ZDHHC17: variants seen among roughly 807,000 people sequenced by gnomAD.
ZDHHC17 encodes palmitoyltransferase ZDHHC17.
In ZDHHC17, 40 loss-of-function variants were observed where a neutral mutation model predicts 90.3. The observed-to-expected ratio is 0.44, with a 90% confidence interval of 0.34 to 0.58. The LOEUF (loss-of-function observed/expected upper bound fraction) is 0.58, where lower values mean the gene tolerates loss of function less well. Ranked by LOEUF, ZDHHC17 falls within the 20% of genes least tolerant of loss-of-function variation. The pLI, the probability that ZDHHC17 is intolerant of heterozygous loss-of-function variation, is 0.01. For synonymous variants in ZDHHC17, 235 were observed against 252.4 expected, an observed-to-expected ratio of 0.93 and a Z score of 0.65; for missense variants, 614 against 780.8, an observed-to-expected ratio of 0.79 and a Z score of 2.55.
chr12:76,822,109 T>TGATA (rs1953170174), intron 7 of ZDHHC17, among the ~76,000 whole-genome samples: 1 of 152,214 alleles, frequency 6.6e-6, no homozygotes. Context: ...ATAAACTTAG[T>TGATA]GATAGCCTCT....
intron 1 of ZDHHC17, among the ~76,000 whole-genome samples, chr12:76,786,448 G>GT (rs1042610391): frequency 1.3e-5 from 2 of 152,066 alleles, no homozygotes; most frequent in African/African-American, 4.8e-5. Context: ...TAGAGATGGG[G>GT]TTTTACCATG....
intron 2 of ZDHHC17, among the ~76,000 whole-genome samples, chr12:76,801,276 A>G (rs1329712619): frequency 6.6e-6 from 1 of 150,476 alleles, no homozygotes. Context: ...CAATTTTTGT[A>G]GTGAAATGTT....
chr12:76,789,576 CTA>C (rs748649637), intron 1 of ZDHHC17, among the ~76,000 whole-genome samples: 4 of 151,932 alleles, frequency 2.6e-5, no homozygotes, highest in African/African-American at 9.7e-5. Flanking sequence ...CTTACAAAAA[CTA>C]TGTGTAATGG....
intron 1 of ZDHHC17, among the ~76,000 whole-genome samples, chr12:76,776,944 T>G (rs1366432999): frequency 1.3e-5 from 2 of 152,240 alleles, no homozygotes; most frequent in African/African-American, 4.8e-5. Context: ...TTTCTTGAAC[T>G]TTTTAAAATA....
chr12:76,803,275 T>C (rs1952913394), intron 2 of ZDHHC17, among the ~76,000 whole-genome samples: 1 of 151,882 alleles, frequency 6.6e-6, no homozygotes, highest in Non-Finnish European at 1.5e-5. Context: ...AAAAATTACA[T>C]GAGATATTTA....
intron 16 of ZDHHC17, 35 bp from the exon 17 acceptor site, chr12:76,850,812 A>C: frequency 2.5e-6 from 4 of 1,606,450 alleles, no homozygotes; most frequent in Non-Finnish European, 2.5e-6. Context: ...ATTTGTACTG[A>C]CTGACGTGTT....
At chr12:76,795,236 G>GTT (rs1202779792) in intron 1 of ZDHHC17, among the ~76,000 whole-genome samples, 1 of 151,210 alleles carries the variant, frequency 6.6e-6, no homozygotes, top group African/African-American at 2.5e-5. Flanking sequence ...GTGTGTGTGT[G>GTT]TGTGTTTTGT....
intron 1 of ZDHHC17, among the ~76,000 whole-genome samples, chr12:76,787,986 G>T (rs186350762): frequency 3.7e-4 from 56 of 152,304 alleles, no homozygotes; most frequent in Admixed American, 1.6e-3. Flanking sequence ...TGAGACAGGA[G>T]GATTGCTTGA....
intron 1 of ZDHHC17, among the ~76,000 whole-genome samples, chr12:76,785,780 T>C (rs1197462582): frequency 1.3e-5 from 2 of 152,188 alleles, no homozygotes; most frequent in Non-Finnish European, 2.9e-5. Flanking sequence ...TTTTTAAAAG[T>C]ACATGACTTC....
At chr12:76,778,401 A>G (rs1320416577) in intron 1 of ZDHHC17, among the ~76,000 whole-genome samples, 1 of 152,066 alleles carries the variant, frequency 6.6e-6, no homozygotes, top group Non-Finnish European at 1.5e-5. Context: ...TTTAGTTTTT[A>G]GTAGAGACGG....
At chr12:76,817,343 A>G (rs903995704) in intron 7 of ZDHHC17, among the ~76,000 whole-genome samples, 3 of 152,044 alleles carry the variant, frequency 2.0e-5, no homozygotes, top group East Asian at 1.9e-4. Flanking sequence ...GAGTGTTACT[A>G]CTTTTTTTTA....
intron 1 of ZDHHC17, among the ~76,000 whole-genome samples, chr12:76,767,504 C>T (rs1952445027): frequency 6.6e-6 from 1 of 152,136 alleles, no homozygotes; most frequent in Admixed American, 6.5e-5. Flanking sequence ...AAATCATCCA[C>T]TCATTTAGTT....
chr12:76,807,202 A>C (rs1952965587), intron 3 of ZDHHC17, among the ~76,000 whole-genome samples: 1 of 152,242 alleles, frequency 6.6e-6, no homozygotes, highest in Non-Finnish European at 1.5e-5. Context: ...GTACAAAGAA[A>C]GCGTTCGAGC....
intron 1 of ZDHHC17, among the ~76,000 whole-genome samples, chr12:76,776,709 C>T (rs11115328): frequency 0.011 from 1,680 of 152,236 alleles, 11 homozygotes; most frequent in Non-Finnish European, 0.017. Flanking sequence ...ATACAAGTTA[C>T]ATTTCAAGTG....
In ZDHHC17 at chr12:76,810,708, AGG is replaced by A. The variant is rs35544887; in HGVS notation, c.543+857_543+858del. On this transcript the variant is annotated intron_variant, in intron 5 of 16. Coordinates refer to ENST00000426126, the MANE Select transcript of ZDHHC17 (RefSeq NM_015336.4). ...TGATAAAGTTAATTGCTGGAAGGGGAGGGGGGGTTATTGTCTGTTACTGTGTT... is the reference window on the plus strand; with the variant it reads ...TGATAAAGTTAATTGCTGGAAGGGGAGGGGGTTATTGTCTGTTACTGTGTT... 3.3e-3 allele frequency among the ~76,000 whole-genome samples: 508 copies of A among 151,850 alleles called. 4 individuals are homozygous for A. The highest frequency in any genetic ancestry group is 0.012 in the African/African-American group (485 of 41,378).
At chr12:76,784,401 T>G (rs1187458526) in intron 1 of ZDHHC17, among the ~76,000 whole-genome samples, 3 of 152,206 alleles carry the variant, frequency 2.0e-5, no homozygotes, top group Admixed American at 1.3e-4. Flanking sequence ...AAATCATTGA[T>G]GCTTTGTGAA....
chr12:76,804,561 A>G (rs548226523), intron 2 of ZDHHC17, among the ~76,000 whole-genome samples: 1 of 152,372 alleles, frequency 6.6e-6, no homozygotes, highest in South Asian at 2.1e-4. Flanking sequence ...AGTGGGTCAC[A>G]ATAAGTGAAC....
intron 2 of ZDHHC17, among the ~76,000 whole-genome samples, chr12:76,800,927 G>T (rs1353235177): frequency 2.4e-5 from 3 of 122,628 alleles, no homozygotes; most frequent in East Asian, 2.7e-4. Context: ...TTGCTCTATC[G>T]CCTAGGCTGG....
intron 1 of ZDHHC17, among the ~76,000 whole-genome samples, chr12:76,789,542 GACTA>G (rs1270678971): frequency 1.3e-4 from 20 of 152,260 alleles, no homozygotes; most frequent in African/African-American, 4.1e-4. Flanking sequence ...TATGCAGAGT[GACTA>G]ACTGTGGTTG....
Sources: gnomAD v4.1 joint callset for allele counts (sites outside exome capture counted in the v4.1 genomes callset) on GRCh38, gnomAD v4.1.1 for gene constraint, MANE v1.5 for transcripts, NCBI Gene and HGNC (gene_info 2026-07-23, HGNC 2026-07-21) for gene names.